Variants in MYO16 observed in about 807,000 individuals in gnomAD.
MYO16 encodes the protein myosin XVI.
Under a neutral mutation model 205.3 loss-of-function variants are expected in MYO16, and 94 were observed. The observed-to-expected ratio is 0.46, with a 90% CI of 0.39 to 0.54. MYO16 has a LOEUF of 0.54. Ranked by LOEUF, MYO16 falls within the 20% of genes least tolerant of loss-of-function variation. The pLI is 0.00. For missense variants in MYO16, 2,315 were observed against 2,387.5 expected (o/e 0.97, Z 0.63); for synonymous variants, 988 against 954.0 (o/e 1.04, Z -0.66).
chr13:108,541,220 A>G, the MYO16 span, among the ~76,000 whole-genome samples: 1 of 151,948 alleles, frequency 6.6e-6, no homozygotes, highest in African/African-American at 2.4e-5. Context: ...AAAAATTTAC[A>G]TATTTTCTGT....
chr13:109,033,877 G>A (rs1224028638), intron 23 of MYO16, among the ~76,000 whole-genome samples: 2 of 152,110 alleles, frequency 1.3e-5, no homozygotes, highest in Non-Finnish European at 2.9e-5. Flanking sequence ...GAATCAGGGA[G>A]GAAATTCAGC....
chr13:108,630,264 G>A (rs1879919059), intron 1 of MYO16, among the ~76,000 whole-genome samples: 3 of 152,032 alleles, frequency 2.0e-5, no homozygotes, highest in South Asian at 4.1e-4. Context: ...AGGTCATTTA[G>A]CTAGTATTTT....
chr13:109,188,316 C>T (rs9587784), intron 34 of MYO16, among the ~76,000 whole-genome samples: 10,761 of 152,174 alleles, frequency 0.071, 541 homozygotes, highest in East Asian at 0.27. Context: ...ACTATCTCTA[C>T]AATGTAATTT....
the MYO16 span, among the ~76,000 whole-genome samples, chr13:108,520,322 T>C: frequency 6.6e-6 from 1 of 152,200 alleles, no homozygotes; most frequent in African/African-American, 2.4e-5. Flanking sequence ...CACAATTATG[T>C]ATCTCTGAAG....
At chr13:109,071,211 A>G (rs1003531634) in intron 27 of MYO16, among the ~76,000 whole-genome samples, 2 of 152,210 alleles carry the variant, frequency 1.3e-5, no homozygotes, top group African/African-American at 4.8e-5. Flanking sequence ...CAACTTTAAA[A>G]TAGTATTCTT....
intron 1 of MYO16, among the ~76,000 whole-genome samples, chr13:108,599,394 C>T (rs1303802990): frequency 6.6e-6 from 1 of 151,326 alleles, no homozygotes; most frequent in Non-Finnish European, 1.5e-5. Flanking sequence ...GTTTCTAGTT[C>T]TAGATCCCTG....
intron 12 of MYO16, among the ~76,000 whole-genome samples, chr13:108,866,763 A>G (rs1234325686): frequency 1.3e-5 from 2 of 152,172 alleles, no homozygotes; most frequent in African/African-American, 4.8e-5. Flanking sequence ...TTGAGTAGAA[A>G]TGGGTCAAAA....
chr13:108,750,067 TA>T (rs35630287), intron 4 of MYO16, among the ~76,000 whole-genome samples: 63,116 of 151,830 alleles, frequency 0.42, 13,225 homozygotes, highest in East Asian at 0.55. Flanking sequence ...ATAGAGAGAA[TA>T]AAAAAATGTC....
At chr13:108,899,766 A>C (rs886792924) in intron 15 of MYO16, among the ~76,000 whole-genome samples, 3 of 152,184 alleles carry the variant, frequency 2.0e-5, no homozygotes, top group Admixed American at 2.0e-4. Flanking sequence ...AAGTTCTCCA[A>C]AAGTAGGAAG....
At chr13:109,188,065 TG>T (rs1275104445) in intron 34 of MYO16, among the ~76,000 whole-genome samples, 2 of 152,262 alleles carry the variant, frequency 1.3e-5, no homozygotes, top group Non-Finnish European at 2.9e-5. Context: ...GCATCTTTTT[TG>T]GTGAAGATCT....
At chr13:108,586,616 A>G in the MYO16 span, among the ~76,000 whole-genome samples, 1 of 152,224 alleles carries the variant, frequency 6.6e-6, no homozygotes, top group Non-Finnish European at 1.5e-5. Flanking sequence ...CATTCAAGGT[A>G]ATCCTTTTAA....
intron 3 of MYO16, among the ~76,000 whole-genome samples, chr13:108,723,749 C>T (rs925308317): frequency 6.6e-6 from 1 of 152,066 alleles, no homozygotes; most frequent in Non-Finnish European, 1.5e-5. Flanking sequence ...AATTAGTTAG[C>T]TTTAGTCCAT....
chr13:108,606,234 G>A (rs1465630530), intron 1 of MYO16, among the ~76,000 whole-genome samples: 3 of 152,194 alleles, frequency 2.0e-5, no homozygotes, highest in Non-Finnish European at 4.4e-5. Context: ...GCATAAAGTT[G>A]CATAGGTAAT....
chr13:108,569,976 A>C, the MYO16 span, among the ~76,000 whole-genome samples: 1 of 152,224 alleles, frequency 6.6e-6, no homozygotes, highest in African/African-American at 2.4e-5. Flanking sequence ...TTCCTAGAAT[A>C]AATCCTAATT....
intron 8 of MYO16, among the ~76,000 whole-genome samples, chr13:108,821,179 C>G (rs1875951432): frequency 6.6e-6 from 1 of 151,932 alleles, no homozygotes; most frequent in East Asian, 1.9e-4. Flanking sequence ...CTTGCTATAC[C>G]TCTGCTGACT....
the MYO16 span, among the ~76,000 whole-genome samples, chr13:108,518,774 T>C: frequency 3.6e-4 from 55 of 152,196 alleles, no homozygotes; most frequent in Non-Finnish European, 5.7e-4. Flanking sequence ...ACTCTTAGTG[T>C]GGTCTGCTGT....
intron 34 of MYO16, among the ~76,000 whole-genome samples, chr13:109,188,776 A>G (rs1386924169): frequency 6.6e-6 from 1 of 152,182 alleles, no homozygotes; most frequent in African/African-American, 2.4e-5. Context: ...CAAAAGCTGA[A>G]GAAGTTGGAA....
At chr13:109,146,977 A>G (rs1566532105) in intron 32 of MYO16, among the ~76,000 whole-genome samples, 3 of 152,090 alleles carry the variant, frequency 2.0e-5, no homozygotes, top group Admixed American at 1.3e-4. Context: ...AGGCATTTTA[A>G]TAAGTACTCA....
chr13:108,806,786 G>C lies in MYO16; in HGVS notation c.849G>C (p.Leu283Phe). 6.5e-7 allele frequency: 1 copy of C among 1,549,722 alleles called. No individual in the cohort carries two copies. The highest frequency in any genetic ancestry group is 8.7e-7 in the Non-Finnish European group (1 of 1,142,974). The change falls in exon 7 of 35, where the codon TTG (leucine) becomes TTC (phenylalanine). Residue 283 changes from leucine to phenylalanine, a missense_variant. Transcript: ENST00000457511. ...VDDQYWTPLH[L>F]AAKYGQTNLV... ...ATCAGTACTGGACTCCCCTCCACTTGGCAGCCAAATATGGCCAGGTAGAGT... is the reference window on the plus strand; with the variant it reads ...ATCAGTACTGGACTCCCCTCCACTTCGCAGCCAAATATGGCCAGGTAGAGT...
Sources: gnomAD v4.1 joint callset for allele counts (sites outside exome capture counted in the v4.1 genomes callset) on GRCh38, gnomAD v4.1.1 for gene constraint, MANE v1.5 for transcripts, NCBI Gene and HGNC (gene_info 2026-07-23, HGNC 2026-07-21) for gene names.